Variants in ACTR3C observed in about 807,000 individuals in gnomAD.
The protein encoded by ACTR3C is actin related protein 3C.
ACTR3C carries 18 observed loss-of-function variants against 26.3 expected under a neutral mutation model. That is an observed-to-expected ratio of 0.68 (90% CI 0.47 to 1.01). The LOEUF (loss-of-function observed/expected upper bound fraction) is 1.01, where lower values mean the gene tolerates loss of function less well. ACTR3C is among the 50% of genes least tolerant of loss of function. The pLI is 0.00. For missense variants in ACTR3C, 184 were observed against 250.7 expected, an observed-to-expected ratio of 0.73 and a Z score of 1.80; for synonymous variants, 55 against 94.5, an observed-to-expected ratio of 0.58 and a Z score of 2.42.
At chr7:150,160,547 G>A in the ACTR3C span, among the ~76,000 whole-genome samples, 1 of 152,192 alleles carries the variant, frequency 6.6e-6, no homozygotes, top group African/African-American at 2.4e-5. Context: ...AGAAGATCTA[G>A]AGGCATTTTG....
chr7:150,314,585 T>C (rs1796647840), intron 1 of ACTR3C, among the ~76,000 whole-genome samples: 1 of 152,136 alleles, frequency 6.6e-6, no homozygotes, highest in African/African-American at 2.4e-5. Context: ...GAGGTGTTTT[T>C]TGTGGGTATC....
At chr7:150,039,585 C>G in the ACTR3C span, among the ~76,000 whole-genome samples, 2 of 135,366 alleles carry the variant, frequency 1.5e-5, no homozygotes, top group African/African-American at 5.8e-5. Flanking sequence ...AGTAATCCCA[C>G]GTAAGGTACC....
the ACTR3C span, among the ~76,000 whole-genome samples, chr7:150,060,489 C>G: frequency 4.1e-4 from 62 of 152,342 alleles, no homozygotes; most frequent in Middle Eastern, 3.4e-3. Context: ...GCACCCCTAT[C>G]TTTGCAAAAC....
intron 5 of ACTR3C, 48 bp downstream of exon 5, chr7:150,286,319 G>A (rs892784087): frequency 3.1e-6 from 5 of 1,591,404 alleles, no homozygotes; most frequent in African/African-American, 1.3e-5. Context: ...CTGGGTGGCA[G>A]TATCGCTCCA....
At chr7:150,130,597 T>A in the ACTR3C span, among the ~76,000 whole-genome samples, 3 of 152,206 alleles carry the variant, frequency 2.0e-5, no homozygotes, top group African/African-American at 7.2e-5. Flanking sequence ...TCTAATAACG[T>A]TAAACATAAA....
chr7:150,213,198 A>T, the ACTR3C span, among the ~76,000 whole-genome samples: 1 of 152,188 alleles, frequency 6.6e-6, no homozygotes, highest in African/African-American at 2.4e-5. Context: ...TTCCCTTCTT[A>T]GCAGGACTCT....
the ACTR3C span, among the ~76,000 whole-genome samples, chr7:150,176,969 T>A: frequency 6.6e-6 from 1 of 150,804 alleles, no homozygotes; most frequent in South Asian, 2.1e-4. Context: ...TTGGATAATA[T>A]CCCTAGAGGT....
the ACTR3C span, among the ~76,000 whole-genome samples, chr7:150,058,475 G>A: frequency 1.3e-5 from 2 of 152,130 alleles, no homozygotes; most frequent in African/African-American, 4.8e-5. Context: ...GGGAGGCTGT[G>A]GCAAAGATTA....
At chr7:150,133,966 G>A in the ACTR3C span, among the ~76,000 whole-genome samples, 3 of 152,030 alleles carry the variant, frequency 2.0e-5, no homozygotes, top group African/African-American at 7.2e-5. Context: ...TTGAATTTGC[G>A]AGCTCAAGTG....
At chr7:150,092,641 A>T in the ACTR3C span, among the ~76,000 whole-genome samples, 1 of 150,482 alleles carries the variant, frequency 6.6e-6, no homozygotes, top group South Asian at 2.1e-4. Context: ...AAACTACTGC[A>T]TGTGTTCAGC....
chr7:149,975,108 C>T, the ACTR3C span, among the ~76,000 whole-genome samples: 1 of 152,134 alleles, frequency 6.6e-6, no homozygotes, highest in Non-Finnish European at 1.5e-5. Flanking sequence ...CCCCAGTGCA[C>T]CTGAAACATT....
the ACTR3C span, among the ~76,000 whole-genome samples, chr7:149,967,603 C>T: frequency 0.014 from 2,065 of 152,082 alleles, 44 homozygotes; most frequent in African/African-American, 0.047. Flanking sequence ...TGATATGAAC[C>T]ATTCCTGGCT....
the ACTR3C span, among the ~76,000 whole-genome samples, chr7:150,131,242 C>T: frequency 6.6e-6 from 1 of 151,838 alleles, no homozygotes; most frequent in African/African-American, 2.4e-5. Flanking sequence ...GGGGAAAGTC[C>T]AGTCACCAAG....
the ACTR3C span, among the ~76,000 whole-genome samples, chr7:149,885,440 G>C: frequency 2.0e-4 from 30 of 152,218 alleles, no homozygotes; most frequent in Non-Finnish European, 3.8e-4. Flanking sequence ...CTGCGAGCTG[G>C]TGCTTCCCAG....
In ACTR3C at chr7:150,289,442, G is replaced by T; in HGVS notation, c.297+8C>A. 4 of 1,573,608 alleles carry T rather than the reference G, an allele frequency of 2.5e-6. No homozygotes were observed. The highest frequency in any genetic ancestry group is 3.4e-6 in the Non-Finnish European group (4 of 1,163,110). ...CCCCAAACCAGCCGGTTTCCCATCT[G>T]TTTTTACCTTAATGGCTTTTGCGGT... is the stretch of plus-strand genomic sequence containing the variant. On this transcript the variant is annotated splice_region_variant and intron_variant, in intron 4 of 7. Coordinates refer to ENST00000683684, the MANE Select transcript of ACTR3C (RefSeq NM_001164458.2).
chr7:149,919,712 CT>C, the ACTR3C span, among the ~76,000 whole-genome samples: 1 of 152,138 alleles, frequency 6.6e-6, no homozygotes, highest in African/African-American at 2.4e-5. Context: ...TGTACTATTC[CT>C]TGTTGTTGCC....
the ACTR3C span, among the ~76,000 whole-genome samples, chr7:150,034,776 G>C: frequency 1.6e-4 from 17 of 104,596 alleles, no homozygotes; most frequent in African/African-American, 4.5e-4. Flanking sequence ...CCCTAAGCCA[G>C]GGGGGGAAGA....
chr7:150,131,370 G>A, the ACTR3C span, among the ~76,000 whole-genome samples: 1 of 151,596 alleles, frequency 6.6e-6, no homozygotes, highest in Admixed American at 6.6e-5. Context: ...CACTATTAAA[G>A]CTTAAAAGCA....
intron 6 of ACTR3C, among the ~76,000 whole-genome samples, chr7:150,283,017 G>A (rs1297167555): frequency 1.4e-5 from 2 of 144,464 alleles, no homozygotes; most frequent in African/African-American, 2.8e-5. Context: ...GGCGCCTTTC[G>A]CCACCTTTTC....
Sources: allele counts gnomAD v4.1 joint callset (sites outside exome capture counted in the v4.1 genomes callset), GRCh38; gene constraint gnomAD v4.1.1; transcripts MANE v1.5; gene names NCBI Gene and HGNC (gene_info 2026-07-23, HGNC 2026-07-21).